The following MTERF4 variants were observed in gnomAD, a reference collection of about 807,000 sequenced individuals.
MTERF4 encodes the protein transcription termination factor 4, mitochondrial.
A neutral mutation model predicts 22.5 loss-of-function variants in MTERF4; 17 were observed. The observed-to-expected ratio is 0.75, with a 90% CI of 0.52 to 1.13. The LOEUF (loss-of-function observed/expected upper bound fraction) is 1.13, where lower values mean the gene tolerates loss of function less well. Ranked by LOEUF, MTERF4 falls within the 50% of genes most tolerant of loss-of-function variation. The pLI is 0.00. For synonymous variants in MTERF4, 165 were observed against 175.3 expected, an observed-to-expected ratio of 0.94 and a Z score of 0.47; for missense variants, 420 against 466.8, an observed-to-expected ratio of 0.90 and a Z score of 0.92.
chr2:241,070,195 A>G (rs1301819798), downstream of MTERF4: 2 of 1,604,456 alleles, frequency 1.2e-6, no homozygotes, highest in Admixed American at 1.7e-5. Context: ...CCTCTACATC[A>G]TCACCTGTGA....
At chr2:241,070,755 C>T (rs1360645279), downstream of MTERF4, among the ~76,000 whole-genome samples, 2 of 152,206 alleles carry the variant, frequency 1.3e-5, no homozygotes, top group Non-Finnish European at 2.9e-5. Context: ...GTCCCGAACG[C>T]CCCACTTAGG....
rs549503392 is a variant in MTERF4 at position 241,079,179 on chromosome 2, G to A, written n.480-3497C>T. 1.0e-4 allele frequency among the ~76,000 whole-genome samples: 15 copies of A among 149,492 alleles called. No homozygotes were observed. In the East Asian group the frequency reaches 1.8e-3, roughly 18 times the overall value. On this transcript the variant is annotated intron_variant and non_coding_transcript_variant, in intron 4 of 4. Coordinates refer to the MTERF4 transcript ENST00000464344. ...TGTAATCCCAGCACTTTGGGAGGCCGAGGCAGGTGGATCACAAGTTCAGGA... is the reference window on the plus strand; with the variant it reads ...TGTAATCCCAGCACTTTGGGAGGCCAAGGCAGGTGGATCACAAGTTCAGGA...
rs1248232739 is a variant in MTERF4, at chr2:241,096,007, CTCG to C, written c.1134_1136del (p.Asp378del). On this transcript the variant is annotated inframe_deletion, in exon 4 of 4. Coordinates refer to ENST00000391980, the MANE Select transcript of MTERF4 (RefSeq NM_182501.4). The surrounding 1 kb of genome is among the most constrained non-coding windows in gnomAD (Gnocchi z 5.1). ...AGTCCTTCCATCACAGCTATTCCTC[CTCG>C]TCGTCGTCCTCATCCTCATCATTGT... The C allele has an allele frequency of 4.3e-6, 7 of 1,613,758 alleles. No individual in the cohort carries two copies. The highest frequency in any genetic ancestry group is 5.9e-6 in the Non-Finnish European group (7 of 1,179,740).
chr2:241,067,904 C>G, downstream of MTERF4: 1 of 1,613,440 alleles, frequency 6.2e-7, no homozygotes, highest in African/African-American at 1.3e-5. Flanking sequence ...CCTCAGGGAC[C>G]AGGCCACCGA....
chr2:241,047,108 G>A, the MTERF4 span, among the ~76,000 whole-genome samples: 3 of 137,924 alleles, frequency 2.2e-5, no homozygotes, highest in Non-Finnish European at 4.5e-5. Context: ...TCGCGCCACT[G>A]CACTGCACTC....
chr2:241,094,263 A>G, downstream of MTERF4: 2 of 468,032 alleles, frequency 4.3e-6, no homozygotes, highest in South Asian at 3.1e-5. The surrounding 1 kb of genome is among the most constrained non-coding windows in gnomAD (Gnocchi z 4.3). Flanking sequence ...GGCCCCACTC[A>G]GGTATCAGCT....
chr2:241,048,982 CAT>C, the MTERF4 span: 840 of 1,531,656 alleles, frequency 5.5e-4, no homozygotes, highest in African/African-American at 1.2e-3. Flanking sequence ...TGCTGGAAGA[CAT>C]GTGGAATATG....
chr2:241,049,958 C>A, the MTERF4 span: 1 of 1,565,270 alleles, frequency 6.4e-7, no homozygotes, highest in Non-Finnish European at 8.8e-7. Flanking sequence ...GGCGTCCGGG[C>A]CGGCGTCAGC....
At chr2:241,101,925 C>T (rs1467369152) in intron 1 of MTERF4, among the ~76,000 whole-genome samples, 2 of 152,026 alleles carry the variant, frequency 1.3e-5, no homozygotes, top group Admixed American at 6.5e-5. Context: ...TGGTGGCGGG[C>T]GCCTGTAATC....
At chr2:241,053,785 C>T in the MTERF4 span, among the ~76,000 whole-genome samples, 1 of 152,212 alleles carries the variant, frequency 6.6e-6, no homozygotes, top group Non-Finnish European at 1.5e-5. Context: ...GAGGTCCCAC[C>T]CCTGTCTGGC....
At chr2:241,049,124 A>G in the MTERF4 span, 3 of 1,610,924 alleles carry the variant, frequency 1.9e-6, no homozygotes, top group Non-Finnish European at 1.7e-6. Context: ...ACCGACCACA[A>G]TGCCAGCCAC....
At chr2:241,071,415 G>A (rs2062708744), downstream of MTERF4, 20 of 763,306 alleles carry the variant, frequency 2.6e-5, no homozygotes, top group East Asian at 5.4e-4. Flanking sequence ...CAGGGCATCT[G>A]GGGAAGCCAC....
In MTERF4 at chr2:241,072,190, T is replaced by C. The variant is rs947203424; in HGVS notation, n.3972A>G. 3 of 604,478 alleles carry C rather than the reference T, an allele frequency of 5.0e-6. No homozygotes were observed. In the African/African-American group the frequency reaches 5.5e-5, roughly 11 times the overall value. The allele number at this position is 604,478 out of a possible 1,614,324, so 37.4% of individuals were successfully genotyped here. A position where few individuals can be genotyped will look rare whatever the true frequency, so the allele number is the denominator to read the frequency against. On this transcript the variant is annotated non_coding_transcript_exon_variant, in exon 5 of 5. Transcript: ENST00000464344. ...GTCTGAGACATTACAGCAGCTTTAT[T>C]TGCCAAAGTAGGGCTCTGAGCTTTG...
chr2:241,093,471 C>T (rs1339101446), downstream of MTERF4: 1 of 115,094 alleles, frequency 8.7e-6, no homozygotes, highest in African/African-American at 4.9e-5. Flanking sequence ...CTTGTGTCAA[C>T]AAGAACTGGC....
At chr2:241,060,446 G>A in the MTERF4 span, among the ~76,000 whole-genome samples, 1 of 152,212 alleles carries the variant, frequency 6.6e-6, no homozygotes, top group Non-Finnish European at 1.5e-5. Flanking sequence ...GGCTCCCAAA[G>A]TGCTGGATTA....
downstream of MTERF4, among the ~76,000 whole-genome samples, chr2:241,083,804 G>A (rs1276087287): frequency 6.6e-6 from 1 of 152,076 alleles, no homozygotes; most frequent in Non-Finnish European, 1.5e-5. Context: ...GGGTCTTGCT[G>A]GATATCTAGT....
the MTERF4 span, chr2:241,065,733 G>A: frequency 2.6e-6 from 2 of 772,606 alleles, no homozygotes; most frequent in Non-Finnish European, 4.1e-6. Flanking sequence ...GCTGAGCTGG[G>A]GGTTGGAGGC....
At chr2:241,043,837 G>T in the MTERF4 span, among the ~76,000 whole-genome samples, 1 of 152,144 alleles carries the variant, frequency 6.6e-6, no homozygotes, top group African/African-American at 2.4e-5. Flanking sequence ...AAATGAATAG[G>T]TATGGCTGTG....
chr2:241,049,105 G>T, the MTERF4 span: 3 of 1,611,828 alleles, frequency 1.9e-6, no homozygotes, highest in Admixed American at 5.0e-5. Flanking sequence ...CTACCTCTGC[G>T]TCTGCCACAC....
Sources: allele counts gnomAD v4.1 joint callset (sites outside exome capture counted in the v4.1 genomes callset), GRCh38; gene constraint gnomAD v4.1.1; non-coding constraint Gnocchi (gnomAD v3.1); transcripts MANE v1.5; gene names NCBI Gene and HGNC (gene_info 2026-07-23, HGNC 2026-07-21).